GALNTL6: variants seen among roughly 807,000 people sequenced by gnomAD.
GALNTL6 encodes the protein polypeptide N-acetylgalactosaminyltransferase-like 6.
Under a neutral mutation model 73.7 loss-of-function variants are expected in GALNTL6, and 46 were observed. That is an observed-to-expected ratio of 0.62 (90% CI 0.49 to 0.80). The LOEUF (loss-of-function observed/expected upper bound fraction) is 0.80, where lower values mean the gene tolerates loss of function less well. Among genes scored for constraint, GALNTL6 ranks in the 30% least tolerant of loss-of-function variants. The probability of loss-of-function intolerance (pLI) is 0.00; values close to 1 mark genes in which losing one functional copy is unlikely to be tolerated. For missense variants in GALNTL6, 604 were observed against 755.0 expected, an observed-to-expected ratio of 0.80 and a Z score of 2.34; for synonymous variants, 259 against 263.7, an observed-to-expected ratio of 0.98 and a Z score of 0.17.
At chr4:172,060,589 A>G (rs771642034) in intron 2 of GALNTL6, among the ~76,000 whole-genome samples, 7 of 152,196 alleles carry the variant, frequency 4.6e-5, no homozygotes, top group Non-Finnish European at 8.8e-5. Flanking sequence ...TTTTGAAAAA[A>G]AAACAAAAGT....
At chr4:172,910,997 G>A (rs539385545) in intron 8 of GALNTL6, among the ~76,000 whole-genome samples, 40 of 152,284 alleles carry the variant, frequency 2.6e-4, no homozygotes, top group Admixed American at 9.1e-4. Flanking sequence ...TCCCCAAGCC[G>A]GGTCATTGGC....
At chr4:171,833,804 G>A (rs1735036239) in intron 2 of GALNTL6, among the ~76,000 whole-genome samples, 1 of 151,732 alleles carries the variant, frequency 6.6e-6, no homozygotes, top group African/African-American at 2.4e-5. Flanking sequence ...AATTATTTTA[G>A]AACGTGCTTA....
chr4:172,458,082 A>G (rs1222472578), intron 5 of GALNTL6, among the ~76,000 whole-genome samples: 1 of 152,088 alleles, frequency 6.6e-6, no homozygotes, highest in Non-Finnish European at 1.5e-5. Context: ...AAAACCACAC[A>G]ACCACATGGA....
At chr4:172,995,462 T>C (rs1018407036) in intron 10 of GALNTL6, among the ~76,000 whole-genome samples, 1 of 152,206 alleles carries the variant, frequency 6.6e-6, no homozygotes, top group Non-Finnish European at 1.5e-5. Context: ...TGCTTTTAAA[T>C]ATCTTGACGC....
chr4:171,952,976 C>T (rs184416156), intron 2 of GALNTL6, among the ~76,000 whole-genome samples: 47 of 152,056 alleles, frequency 3.1e-4, no homozygotes, highest in Admixed American at 2.8e-3. Flanking sequence ...TATTTTAAAT[C>T]ACAGCATCAA....
At chr4:172,622,642 G>A (rs2111074803) in intron 5 of GALNTL6, among the ~76,000 whole-genome samples, 1 of 152,064 alleles carries the variant, frequency 6.6e-6, no homozygotes, top group East Asian at 1.9e-4. Flanking sequence ...AAACTAGGAA[G>A]AAAAGAAAAA....
chr4:172,604,344 G>A (rs1177216369), intron 5 of GALNTL6, among the ~76,000 whole-genome samples: 1 of 152,062 alleles, frequency 6.6e-6, no homozygotes, highest in East Asian at 1.9e-4. Flanking sequence ...TTAAAAAGAT[G>A]CAGAAGTATC....
intron 4 of GALNTL6, among the ~76,000 whole-genome samples, chr4:172,334,109 C>G (rs1403937710): frequency 1.3e-5 from 2 of 152,024 alleles, no homozygotes; most frequent in Non-Finnish European, 2.9e-5. Flanking sequence ...GGTTACTACA[C>G]TTTACTCTAC....
intron 2 of GALNTL6, among the ~76,000 whole-genome samples, chr4:171,955,393 T>C (rs1739012371): frequency 6.6e-6 from 1 of 151,810 alleles, no homozygotes; most frequent in African/African-American, 2.4e-5. Flanking sequence ...TATATATATA[T>C]ATGTTTACAC....
chr4:172,976,025 G>A (rs929004475), intron 10 of GALNTL6, among the ~76,000 whole-genome samples: 2 of 152,040 alleles, frequency 1.3e-5, no homozygotes, highest in African/African-American at 4.8e-5. Context: ...CTCGGAAGGG[G>A]GCGGAGCTCC....
intron 7 of GALNTL6, among the ~76,000 whole-genome samples, chr4:172,844,500 G>A (rs981474913): frequency 1.1e-4 from 17 of 152,260 alleles, no homozygotes; most frequent in Admixed American, 2.0e-4. Context: ...CACTCCTCAC[G>A]CCGGATTTTA....
intron 2 of GALNTL6, among the ~76,000 whole-genome samples, chr4:171,858,996 C>T (rs139880063): frequency 3.4e-4 from 51 of 152,040 alleles, no homozygotes; most frequent in African/African-American, 1.1e-3. Flanking sequence ...TGCAATATAC[C>T]GGCTTCTCAT....
rs140797915 is a variant in GALNTL6 at position 172,736,181 on chromosome 4, G to T, written c.554-73180G>T. Reference sequence around the variant, plus strand: ...GTCTGACTAGAATTTCACCTGGCTGGAATTTCCCAATCCTAGCAAGCTGGG... The same window carrying T: ...GTCTGACTAGAATTTCACCTGGCTGTAATTTCCCAATCCTAGCAAGCTGGG... On this transcript the variant is annotated intron_variant, in intron 5 of 12. Transcript: ENST00000506823. 1.9e-3 allele frequency among the ~76,000 whole-genome samples: 287 copies of T among 152,264 alleles called. 1 individual carries two copies. Among genetic ancestry groups the T allele is most frequent in the African/African-American group, 6.7e-3 (280 of 41,534 alleles).
chr4:172,110,317 A>G (rs1732816101), intron 2 of GALNTL6, among the ~76,000 whole-genome samples: 1 of 152,216 alleles, frequency 6.6e-6, no homozygotes, highest in African/African-American at 2.4e-5. Flanking sequence ...AGATAAGGAA[A>G]TAAAACGTGG....
At chr4:172,695,713 C>T (rs1167510776) in intron 5 of GALNTL6, among the ~76,000 whole-genome samples, 2 of 152,040 alleles carry the variant, frequency 1.3e-5, no homozygotes, top group Admixed American at 6.6e-5. Context: ...TTTGGGAGGC[C>T]GAGGCGGGCG....
At chr4:172,846,451 A>G (rs532462981) in intron 7 of GALNTL6, among the ~76,000 whole-genome samples, 1 of 152,330 alleles carries the variant, frequency 6.6e-6, no homozygotes, top group Non-Finnish European at 1.5e-5. Context: ...GAACATAACC[A>G]TATGCCTTTT....
chr4:172,470,178 A>G (rs969410354), intron 5 of GALNTL6, among the ~76,000 whole-genome samples: 2 of 152,188 alleles, frequency 1.3e-5, no homozygotes, highest in African/African-American at 4.8e-5. Context: ...AGTATATTGT[A>G]TGGTCTATTT....
intron 3 of GALNTL6, among the ~76,000 whole-genome samples, chr4:172,255,723 C>T (rs866318468): frequency 9.9e-5 from 15 of 151,256 alleles, no homozygotes; most frequent in Non-Finnish European, 1.2e-4. Context: ...CATGGGACTA[C>T]GGATTGTTTT....
At chr4:172,226,546 GGAAA>G (rs1457870955) in intron 2 of GALNTL6, among the ~76,000 whole-genome samples, 8 of 149,934 alleles carry the variant, frequency 5.3e-5, no homozygotes, top group African/African-American at 1.7e-4. Context: ...TTTTTTTAAA[GGAAA>G]GAAGTTCTGT....
Sources: gnomAD v4.1 joint callset for allele counts (sites outside exome capture counted in the v4.1 genomes callset) on GRCh38, gnomAD v4.1.1 for gene constraint, MANE v1.5 for transcripts, NCBI Gene and HGNC (gene_info 2026-07-23, HGNC 2026-07-21) for gene names.